The following SLC12A3 variants were observed in gnomAD, a reference collection of about 807,000 sequenced individuals.
SLC12A3 encodes solute carrier family 12 member 3, also known as Na-Cl cotransporter.
In SLC12A3, 104 loss-of-function variants were observed where a neutral mutation model predicts 121.0. The observed-to-expected ratio is 0.86, with a 90% CI of 0.73 to 1.01. The LOEUF is 1.01. Among genes scored for constraint, SLC12A3 ranks in the 50% least tolerant of loss-of-function variants. SLC12A3 has a pLI of 0.00. For missense variants in SLC12A3, 1,328 were observed against 1,356.3 expected, an observed-to-expected ratio of 0.98 and a Z score of 0.33; for synonymous variants, 536 against 533.4, an observed-to-expected ratio of 1.00 and a Z score of -0.07.
chr16:56,884,417 G>T (rs1567436271), intron 14 of SLC12A3, among the ~76,000 whole-genome samples: 1 of 151,910 alleles, frequency 6.6e-6, no homozygotes. Flanking sequence ...GCCACCCCTG[G>T]GCACCCAGGA....
At chr16:56,892,911 G>T (rs376551988) in intron 20 of SLC12A3, 42 bp from the exon 21 acceptor site, 5 of 1,547,516 alleles carry the variant, frequency 3.2e-6, no homozygotes, top group South Asian at 1.1e-5. Flanking sequence ...GCCTGGATGC[G>T]CGGCTGCTGG....
At chr16:56,904,166 G>T (rs747898380) in intron 24 of SLC12A3, 41 of 505,360 alleles carry the variant, frequency 8.1e-5, no homozygotes, top group Non-Finnish European at 1.1e-4. Context: ...ATAAAGTCAG[G>T]CAAGGAAAAG....
At chr16:56,871,025 G>C (rs2055089584) in intron 6 of SLC12A3, among the ~76,000 whole-genome samples, 1 of 152,010 alleles carries the variant, frequency 6.6e-6, no homozygotes, top group African/African-American at 2.4e-5. Flanking sequence ...TGTAGAGACG[G>C]GGTTTCACCA....
intron 25 of SLC12A3, 62 bp from the exon 26 acceptor site, chr16:56,913,202 A>G: frequency 6.2e-7 from 1 of 1,610,344 alleles, no homozygotes; most frequent in Non-Finnish European, 8.5e-7. Flanking sequence ...ACAAACTGGG[A>G]GCTGGGCGTG....
chr16:56,884,308 C>CT, intron 14 of SLC12A3, 104 bp downstream of exon 14: 1 of 1,189,644 alleles, frequency 8.4e-7, no homozygotes, highest in Middle Eastern at 2.5e-4. Context: ...CGGCTCTGTG[C>CT]TGTCCAGGGC....
At chr16:56,911,576 C>CCTT (rs2055686237) in intron 25 of SLC12A3, among the ~76,000 whole-genome samples, 1 of 152,166 alleles carries the variant, frequency 6.6e-6, no homozygotes, top group African/African-American at 2.4e-5. Flanking sequence ...CTGCCCACCT[C>CCTT]GGCCTCCCAA....
chr16:56,903,371 A>G (rs8058493), intron 24 of SLC12A3, among the ~76,000 whole-genome samples: 51,258 of 151,942 alleles, frequency 0.34, 9,832 homozygotes, highest in African/African-American at 0.53. Context: ...GATGGGGGCA[A>G]GGGCCGGGTC....
intron 17 of SLC12A3, 45 bp from the exon 18 acceptor site, chr16:56,887,880 C>T (rs752825810): frequency 7.0e-7 from 1 of 1,436,406 alleles, no homozygotes; most frequent in Non-Finnish European, 9.7e-7. Flanking sequence ...ATCACCAACT[C>T]TGCCCCTCTG....
At position 56,886,351 on chromosome 16, in the gene SLC12A3, C is replaced by G. The variant is rs1379802072; in HGVS notation, c.1926-13C>G. 6.2e-7 allele frequency: 1 copy of G among 1,604,794 alleles called. No homozygotes were observed. The highest frequency in any genetic ancestry group is 1.1e-5 in the South Asian group (1 of 90,884). ...CTCCTGATGGCTCCTGCCCTTTTCC[C>G]TTCCCTCCTCAGCCCCCAGTGCCTG... On this transcript the variant is annotated splice_polypyrimidine_tract_variant and intron_variant, in intron 15 of 25. Transcript: ENST00000563236.
rs532157929 is a variant in SLC12A3, at chr16:56,876,423, C to T, written c.1096-1654C>T. Among the ~76,000 whole-genome samples the T allele has an allele frequency of 1.9e-4, 29 of 152,278 alleles. 1 individual carries two copies. Among genetic ancestry groups the T allele is most frequent in the African/African-American group, 6.5e-4 (27 of 41,554 alleles). ...GGGCTGGGGACCCCATGTGCATGGC[C>T]CAGTTGAGTCAAACAGGTTTGCCGG... is the stretch of plus-strand genomic sequence containing the variant. On this transcript the variant is annotated intron_variant, in intron 8 of 25. Coordinates refer to ENST00000563236, the MANE Select transcript of SLC12A3 (RefSeq NM_001126108.2).
intron 13 of SLC12A3, among the ~76,000 whole-genome samples, chr16:56,882,770 C>G (rs964447005): frequency 3.9e-5 from 6 of 152,016 alleles, no homozygotes; most frequent in African/African-American, 1.2e-4. Context: ...TGGTGAAACC[C>G]TGTCTCTACA....
At chr16:56,884,285 AG>A in intron 14 of SLC12A3, 81 bp downstream of exon 14, 1 of 1,445,080 alleles carries the variant, frequency 6.9e-7, no homozygotes, top group South Asian at 1.1e-5. Flanking sequence ...CCCCAGTTGG[AG>A]GGCCCTGAGT....
Position 56,886,952 on chromosome 16 carries a change from G to A in SLC12A3, c.2038-1G>A. On this transcript the variant is annotated splice_acceptor_variant, in intron 16 of 25. Coordinates refer to ENST00000563236, the MANE Select transcript of SLC12A3 (RefSeq NM_001126108.2). LOFTEE classifies it high-confidence loss of function. ...ATGTCCCCTGCCCCTCCCACCCACA[G>A]GGACCCCACAAGCAGAGGATGCCTG... The A allele has an allele frequency of 6.2e-7, 1 of 1,612,990 alleles. No individual in the cohort carries two copies. The highest frequency in any genetic ancestry group is 8.5e-7 in the Non-Finnish European group (1 of 1,179,720).
chr16:56,879,991 G>C (rs1567433344), intron 11 of SLC12A3, 139 bp from the exon 12 acceptor site: 8 of 1,055,052 alleles, frequency 7.6e-6, no homozygotes, highest in Non-Finnish European at 5.7e-6. Context: ...GAGCATCCCT[G>C]TTTAATAGAA....
intron 17 of SLC12A3, among the ~76,000 whole-genome samples, 182 bp from the exon 18 acceptor site, chr16:56,887,738 AGTTTT>A: frequency 7.1e-6 from 1 of 141,548 alleles, no homozygotes; most frequent in Non-Finnish European, 1.5e-5. Flanking sequence ...CTCCCAATAA[AGTTTT>A]GTTTTGTGCA....
At chr16:56,902,531 G>GGGGGGAGCC in intron 24 of SLC12A3, 23 bp downstream of exon 24, 1 of 714,566 alleles carries the variant, frequency 1.4e-6, no homozygotes, top group Non-Finnish European at 2.4e-6. Context: ...GTGGGGGTGG[G>GGGGGGAGCC]AAACGCGACA....
intron 8 of SLC12A3, among the ~76,000 whole-genome samples, chr16:56,874,661 C>G (rs537538066): frequency 6.6e-6 from 1 of 152,026 alleles, no homozygotes; most frequent in Admixed American, 6.6e-5. Flanking sequence ...AAAAATTAGC[C>G]GGGTGTGGTG....
intron 7 of SLC12A3, 66 bp downstream of exon 7, chr16:56,872,528 C>A: frequency 6.3e-7 from 1 of 1,590,438 alleles, no homozygotes; most frequent in African/African-American, 1.3e-5. Flanking sequence ...GGAATCTGGC[C>A]CATTGTGTGG....
intron 12 of SLC12A3, among the ~76,000 whole-genome samples, chr16:56,881,104 TCCCCTGG>T (rs56236639): frequency 0.083 from 12,686 of 152,218 alleles, 833 homozygotes; most frequent in East Asian, 0.25. Flanking sequence ...CAACATGATG[TCCCCTGG>T]CCCCTGCTCC....
Sources: gnomAD v4.1 joint callset for allele counts (sites outside exome capture counted in the v4.1 genomes callset) on GRCh38, gnomAD v4.1.1 for gene constraint, MANE v1.5 for transcripts, NCBI Gene and HGNC (gene_info 2026-07-23, HGNC 2026-07-21) for gene names.